AFTPH: variants seen among roughly 807,000 people sequenced by gnomAD.
AFTPH encodes the protein aftiphilin protein.
Under a neutral mutation model 72.5 loss-of-function variants are expected in AFTPH, and 7 were observed. The ratio of observed to expected loss-of-function variants is 0.10; its 90% CI spans 0.05 to 0.18. The LOEUF (loss-of-function observed/expected upper bound fraction) is 0.18. Among genes scored for constraint, AFTPH ranks in the 10% least tolerant of loss-of-function variants. The probability of loss-of-function intolerance (pLI) is 1.00; values close to 1 mark genes in which losing one functional copy is unlikely to be tolerated. For synonymous variants in AFTPH, 337 were observed against 370.1 expected (o/e 0.91, Z 1.03); for missense variants, 979 against 1,060.5 (o/e 0.92, Z 1.07).
intron 1 of AFTPH, among the ~76,000 whole-genome samples, chr2:64,538,620 C>T (rs111875577): frequency 0.014 from 2,093 of 152,254 alleles, 26 homozygotes; most frequent in Non-Finnish European, 0.021. Flanking sequence ...TTCCTTCTGT[C>T]ACTTCATTGC....
exon 2 of AFTPH, chr2:64,552,833 A>G (rs1441084332): frequency 6.2e-7 from 1 of 1,614,198 alleles, no homozygotes; most frequent in East Asian, 2.2e-5. Context: ...CTGGTACTCA[A>G]GATTCAATGA....
chr2:64,588,756 T>G (rs1673651538), intron 8 of AFTPH, among the ~76,000 whole-genome samples: 1 of 152,164 alleles, frequency 6.6e-6, no homozygotes, highest in African/African-American at 2.4e-5. Context: ...CCTTTTTTGT[T>G]TTTGTTTTAG....
In AFTPH at chr2:64,572,053, T is replaced by TA. The variant is rs370589405; in HGVS notation, c.2272-885dup. 1.7e-3 allele frequency among the ~76,000 whole-genome samples: 253 copies of TA among 151,022 alleles called. 1 individual carries two copies. Among genetic ancestry groups the TA allele is most frequent in the African/African-American group, 4.5e-3 (184 of 41,078 alleles). Reference sequence around the variant, plus strand: ...CAATGTGGAGAAACCCCATCTCTACTAAAAAAAATACAAAAAATTAGTCAG... The same window carrying TA: ...CAATGTGGAGAAACCCCATCTCTACTAAAAAAAAATACAAAAAATTAGTCAG... On this transcript the variant is annotated intron_variant, in intron 5 of 8. Coordinates refer to ENST00000238856, the Ensembl canonical transcript of AFTPH.
In AFTPH at chr2:64,555,555, TCACACACACACACACA is replaced by T. The variant is rs111905151; in HGVS notation, c.1935+2175_1935+2190del. Among the ~76,000 whole-genome samples the T allele has an allele frequency of 1.3e-3, 177 of 140,870 alleles. 1 individual carries two copies. The highest frequency in any genetic ancestry group is 3.6e-3 in the Middle Eastern group (1 of 278). The allele number at this position is 140,870 out of a possible 152,430, so 92.4% of individuals were successfully genotyped here. A position where few individuals can be genotyped will look rare whatever the true frequency, so the allele number is the denominator to read the frequency against. ...CAGGCTAGGCTACAGAGAGAGACTG[TCACACACACACACACA>T]CACACACACACACACACACACACAC... is the stretch of plus-strand genomic sequence containing the variant. On this transcript the variant is annotated intron_variant, in intron 2 of 8. Transcript: ENST00000238856.
intron 7 of AFTPH, among the ~76,000 whole-genome samples, chr2:64,584,106 T>C (rs1673363580): frequency 6.6e-6 from 1 of 152,144 alleles, no homozygotes; most frequent in South Asian, 2.1e-4. Flanking sequence ...AGAATTTTGC[T>C]TTGCTGTTAA....
intron 1 of AFTPH, among the ~76,000 whole-genome samples, chr2:64,530,325 A>G (rs1260915236): frequency 1.3e-5 from 2 of 152,200 alleles, no homozygotes; most frequent in Non-Finnish European, 2.9e-5. Context: ...CTAATATTCA[A>G]GGCCATATTC....
intron 6 of AFTPH, among the ~76,000 whole-genome samples, chr2:64,577,332 G>A (rs569968941): frequency 1.3e-5 from 2 of 151,938 alleles, no homozygotes; most frequent in South Asian, 4.1e-4. Context: ...TTTTGCTTCG[G>A]TATCCTGTTT....
intron 1 of AFTPH, among the ~76,000 whole-genome samples, chr2:64,526,486 G>A (rs1453686520): frequency 6.6e-6 from 1 of 152,056 alleles, no homozygotes; most frequent in Non-Finnish European, 1.5e-5. Context: ...TAAATAAAAT[G>A]TTTATATTCT....
chr2:64,579,102 CAGACA>C (rs1673006368), intron 6 of AFTPH: 1 of 160,502 alleles, frequency 6.2e-6, no homozygotes, highest in Non-Finnish European at 1.3e-5. Flanking sequence ...TGTAAGGAAC[CAGACA>C]GACCTTAGAC....
chr2:64,556,139 C>T (rs1671357125), intron 2 of AFTPH, among the ~76,000 whole-genome samples: 1 of 152,094 alleles, frequency 6.6e-6, no homozygotes. Context: ...AGGCCCATGC[C>T]ACCACGCCCG....
exon 1 of AFTPH, chr2:64,524,365 T>A (rs1280717010): frequency 5.0e-6 from 2 of 400,838 alleles, no homozygotes; most frequent in East Asian, 3.6e-5. Flanking sequence ...GGGCGGGGGG[T>A]CTCCGCGGAG....
At chr2:64,529,240 C>T (rs1052101421) in intron 1 of AFTPH, among the ~76,000 whole-genome samples, 2 of 151,942 alleles carry the variant, frequency 1.3e-5, no homozygotes, top group African/African-American at 4.8e-5. Context: ...ATAGGGGCCC[C>T]ATGCTTTATC....
chr2:64,557,428 CA>C (rs946422706), intron 2 of AFTPH, among the ~76,000 whole-genome samples: 3 of 152,064 alleles, frequency 2.0e-5, no homozygotes, highest in African/African-American at 7.2e-5. Flanking sequence ...CAAGTGCCAC[CA>C]AAAAGAAGAG....
chr2:64,544,489 G>A (rs1316305770), intron 1 of AFTPH, among the ~76,000 whole-genome samples: 1 of 152,120 alleles, frequency 6.6e-6, no homozygotes, highest in East Asian at 1.9e-4. Flanking sequence ...GACTCCTTGT[G>A]GTGTGGATGG....
chr2:64,575,441 C>T (rs560760076), intron 6 of AFTPH, among the ~76,000 whole-genome samples: 23 of 152,072 alleles, frequency 1.5e-4, no homozygotes, highest in Admixed American at 1.4e-3. Flanking sequence ...GCCTAACCAA[C>T]GTGGCAAAAC....
chr2:64,527,302 C>T (rs184560579), intron 1 of AFTPH, among the ~76,000 whole-genome samples: 41 of 152,114 alleles, frequency 2.7e-4, no homozygotes, highest in Non-Finnish European at 4.7e-4. Flanking sequence ...GTTTAAAGGC[C>T]GGGCATGGTG....
At chr2:64,528,736 G>A (rs1242405236) in intron 1 of AFTPH, among the ~76,000 whole-genome samples, 2 of 152,130 alleles carry the variant, frequency 1.3e-5, no homozygotes, top group Non-Finnish European at 2.9e-5. Context: ...AGAATAGGGT[G>A]AACAAGTAGA....
At chr2:64,539,037 A>AT (rs531380385) in intron 1 of AFTPH, among the ~76,000 whole-genome samples, 13 of 151,716 alleles carry the variant, frequency 8.6e-5, no homozygotes, top group East Asian at 7.7e-4. Context: ...TTTTCTGGGG[A>AT]TTTTTTTTCT....
rs547250681 is a variant in AFTPH, at chr2:64,567,674, C to T, written c.2048C>T (p.Thr683Ile). 1.7e-5 allele frequency: 27 copies of T among 1,613,580 alleles called. No homozygotes were observed. In the South Asian group the frequency reaches 2.5e-4, roughly 15 times the overall value. Reference sequence around the variant, plus strand: ...CTGAAGCACTTGCTGGAAACAAGCACTTTGCCAATAAAAACGAGAGAGGCC... The same window carrying T: ...CTGAAGCACTTGCTGGAAACAAGCATTTTGCCAATAAAAACGAGAGAGGCC... The change falls in exon 3 of 9, where the codon ACT (threonine) becomes ATT (isoleucine). Residue 683 changes from threonine (T) to isoleucine (I), a missense_variant. Thr to Ile is a moderately conservative substitution (Grantham distance 89, BLOSUM62 -1). Coordinates refer to ENST00000238856, the Ensembl canonical transcript of AFTPH.
Sources: allele counts gnomAD v4.1 joint callset (sites outside exome capture counted in the v4.1 genomes callset), GRCh38; gene constraint gnomAD v4.1.1; transcripts MANE v1.5; gene names NCBI Gene and HGNC (gene_info 2026-07-23, HGNC 2026-07-21).